F5: variants seen among roughly 807,000 people sequenced by gnomAD.
The protein encoded by F5 is activated protein c cofactor.
F5 carries 138 observed loss-of-function variants against 216.4 expected under a neutral mutation model. The ratio of observed to expected loss-of-function variants is 0.64; its 90% confidence interval spans 0.56 to 0.73. The LOEUF is 0.73. Ranked by LOEUF, F5 falls within the 30% of genes least tolerant of loss-of-function variation. The probability of loss-of-function intolerance (pLI) is 0.00; values close to 1 mark genes in which losing one functional copy is unlikely to be tolerated. For synonymous variants in F5, 916 were observed against 930.7 expected (o/e 0.98, Z 0.29); for missense variants, 2,403 against 2,674.0 (o/e 0.90, Z 2.24).
chr1:169,536,712 GAAATT>G, intron 13 of F5, 32 bp from the exon 14 acceptor site: 1 of 1,555,854 alleles, frequency 6.4e-7, no homozygotes, highest in Non-Finnish European at 8.9e-7. Context: ...TGTAAAAGAA[GAAATT>G]AAAGACTGTT....
At chr1:169,566,012 T>C (rs560080498) in intron 3 of F5, among the ~76,000 whole-genome samples, 3 of 152,242 alleles carry the variant, frequency 2.0e-5, no homozygotes, top group African/African-American at 7.2e-5. Context: ...AAGTCTCCAC[T>C]AATAAGCAGG....
At chr1:169,578,547 G>C (rs1329227538) in intron 2 of F5, among the ~76,000 whole-genome samples, 1 of 152,182 alleles carries the variant, frequency 6.6e-6, no homozygotes, top group South Asian at 2.1e-4. Flanking sequence ...CTTGGCAAAA[G>C]CCACAAAAGG....
intron 16 of F5, among the ~76,000 whole-genome samples, chr1:169,528,433 G>C (rs1218425550): frequency 1.3e-5 from 2 of 152,108 alleles, no homozygotes; most frequent in Non-Finnish European, 2.9e-5. Context: ...AACTACAAAA[G>C]ATAAATACAA....
In F5 at chr1:169,527,933, C is replaced by A; in HGVS notation, c.5581G>T (p.Val1861Phe). ...ENGNKQHQLGVWPLLPGSFKT... is the reference protein window; with the variant it reads ...ENGNKQHQLGFWPLLPGSFKT... ...TCTTTACCAGGCAGAAGGGGCCAGA[C>A]CCCTAACTGGTGCTGTTTATTGCCA... The change falls in exon 17 of 25, where the codon GTC becomes TTC. Residue 1861 changes from valine (V) to phenylalanine (F), a missense_variant. Val to Phe is a conservative substitution (Grantham distance 50, BLOSUM62 -1). Around this residue, in one of 4 missense-constraint regions of F5, gnomAD observed 659 missense variants for 787.9 expected, o/e 0.84. Coordinates refer to ENST00000367797, the MANE Select transcript of F5 (RefSeq NM_000130.5). 1 of 1,613,584 alleles carries A rather than the reference C, an allele frequency of 6.2e-7. No homozygotes were observed. Among genetic ancestry groups the A allele is most frequent in the Non-Finnish European group, 8.5e-7 (1 of 1,179,784 alleles).
At chr1:169,570,560 T>C (rs939995046) in intron 3 of F5, among the ~76,000 whole-genome samples, 1 of 152,156 alleles carries the variant, frequency 6.6e-6, no homozygotes, top group African/African-American at 2.4e-5. Flanking sequence ...TAATGCTTCA[T>C]TGTTTTTCCT....
At chr1:169,538,121 A>G (rs1482977285) in intron 13 of F5, among the ~76,000 whole-genome samples, 1 of 152,206 alleles carries the variant, frequency 6.6e-6, no homozygotes, top group African/African-American at 2.4e-5. Flanking sequence ...TGTGATCTAC[A>G]TAAACAATGA....
At chr1:169,548,216 G>A (rs1414448420) in intron 10 of F5, among the ~76,000 whole-genome samples, 1 of 152,050 alleles carries the variant, frequency 6.6e-6, no homozygotes, top group East Asian at 1.9e-4. Flanking sequence ...AAGAGGGAGA[G>A]GATCAGAAAA....
chr1:169,544,425 C>G lies in F5; in HGVS notation c.1846G>C (p.Gly616Arg), dbSNP rs752920096. ...DTVQWHFCSV[G>R]TQNEILTIHF... Reference sequence around the variant, plus strand: ...ATGGTCAAAATTTCATTCTGGGTCCCCACACTACAGAAGTGCCACTGGACA... The same window carrying G: ...ATGGTCAAAATTTCATTCTGGGTCCGCACACTACAGAAGTGCCACTGGACA... The change falls in exon 12 of 25, where the codon GGG becomes CGG. Residue 616 changes from glycine to arginine, a missense_variant. Around this residue, in one of 4 missense-constraint regions of F5, gnomAD observed 1,425 missense variants for 1,554.8 expected, o/e 0.92. Coordinates refer to ENST00000367797, the MANE Select transcript of F5 (RefSeq NM_000130.5). 1.1e-5 allele frequency: 17 copies of G among 1,614,064 alleles called. No individual in the cohort carries two copies. The highest frequency in any genetic ancestry group is 1.3e-5 in the Non-Finnish European group (15 of 1,179,984).
chr1:169,550,672 T>G lies in F5; in HGVS notation c.1364A>C (p.Tyr455Ser). 6.2e-7 allele frequency: 1 copy of G among 1,614,032 alleles called. No individual in the cohort carries two copies. The highest frequency in any genetic ancestry group is 8.5e-7 in the Non-Finnish European group (1 of 1,179,924). The change falls in exon 9 of 25, where the codon TAT becomes TCT. Residue 455 changes from tyrosine to serine, a missense_variant. By Grantham distance (144) the Tyr-to-Ser change is moderately radical. Transcript: ENST00000367797. The part of the protein sequence containing the change: ...IYPHGVTFSP[Y>S]EDEVNSSFTS... Reference sequence around the variant, plus strand: ...GAAAGAAGAGTTGACTTCATCTTCATAAGGCGAGAAGGTCACTCCATGAGG... The same window carrying G: ...GAAAGAAGAGTTGACTTCATCTTCAGAAGGCGAGAAGGTCACTCCATGAGG...
At position 169,583,424 on chromosome 1, in the gene F5, G is replaced by A. The variant is rs9332495; in HGVS notation, c.159-902C>T. Among the ~76,000 whole-genome samples the A allele has an allele frequency of 9.1e-3, 1,383 of 152,240 alleles. 27 individuals are homozygous for A. Among genetic ancestry groups the A allele is most frequent in the African/African-American group, 0.031 (1,304 of 41,520 alleles). On this transcript the variant is annotated intron_variant, in intron 1 of 24. Transcript: ENST00000367797. ...ACATATGCCATGACTTCTATACAGC[G>A]CGGTGGCTAGGGTGCAGGCTGTGAA...
chr1:169,580,100 C>G (rs1252992733), intron 2 of F5, among the ~76,000 whole-genome samples: 2 of 152,130 alleles, frequency 1.3e-5, no homozygotes, highest in African/African-American at 4.8e-5. Context: ...ATCACCCAAC[C>G]CCTTGCCTCC....
intron 21 of F5, 136 bp downstream of exon 21, chr1:169,523,061 A>G (rs1178828594): frequency 4.3e-6 from 4 of 919,940 alleles, no homozygotes; most frequent in African/African-American, 1.6e-5. Flanking sequence ...TTTTCTCCAT[A>G]TGACCCTTAG....
In F5 at chr1:169,541,483, T is replaced by A. The variant is rs1420962420; in HGVS notation, c.3607A>T (p.Asn1203Tyr). 2.5e-6 allele frequency: 4 copies of A among 1,613,816 alleles called. No homozygotes were observed. In the African/African-American group the frequency reaches 5.3e-5, roughly 22 times the overall value. ...VTLSPELSQTNLSPDLSHTTL... is the reference protein window; with the variant it reads ...VTLSPELSQTYLSPDLSHTTL... Reference sequence around the variant, plus strand: ...GTGTGGCTGAGGTCTGGAGAGAGGTTTGTCTGGCTGAGTTCTGGAGAGAGG... The same window carrying A: ...GTGTGGCTGAGGTCTGGAGAGAGGTATGTCTGGCTGAGTTCTGGAGAGAGG... The change falls in exon 13 of 25, where the codon AAC becomes TAC. Residue 1203 changes from asparagine to tyrosine, a missense_variant. This residue lies in a region of F5 where 1,425 missense variants were observed against 1,554.8 expected (regional missense o/e 0.92). Transcript: ENST00000367797.
rs1459402641 is a variant in F5, at chr1:169,540,970, T to C, written c.4120A>G (p.Asn1374Asp). Residue 1374 changes from asparagine (N) to aspartate (D), a missense_variant, in exon 13 of 25, where the codon AAC becomes GAC. Around this residue, in one of 4 missense-constraint regions of F5, gnomAD observed 293 missense variants for 270.8 expected, o/e 1.08. Transcript: ENST00000367797. ...GTCTGACTGAGTTCTGGAGAGAGGT[T>C]TGTCTGGCTGAGGTCTAGAGAAAGG... ...TTLSLDLSQTNLSPELSQTNL... is the reference protein window; with the variant it reads ...TTLSLDLSQTDLSPELSQTNL... 1.9e-6 allele frequency: 3 copies of C among 1,595,558 alleles called. No homozygotes were observed. The Admixed American group carries it at 5.1e-5, about 27-fold the overall frequency.
At chr1:169,525,832 A>G in intron 18 of F5, 69 bp downstream of exon 18, 1 of 1,065,968 alleles carries the variant, frequency 9.4e-7, no homozygotes, top group Non-Finnish European at 1.5e-6. Context: ...TTTCCAATCT[A>G]AAAGTTGGTA....
chr1:169,580,243 A>G (rs1571604305), intron 2 of F5, among the ~76,000 whole-genome samples: 1 of 151,754 alleles, frequency 6.6e-6, no homozygotes, highest in Non-Finnish European at 1.5e-5. Flanking sequence ...CTTCCTTATT[A>G]CTCTACTGTC....
Position 169,544,417 on chromosome 1 carries a change from C to G in F5, c.1854G>C (p.Gln618His), listed in dbSNP as rs1165668434. Residue 618 changes from glutamine (Q) to histidine (H), a missense_variant, in exon 12 of 25, where the codon CAG becomes CAC. Physicochemically the swap from Gln to His is conservative, Grantham distance 24. Transcript: ENST00000367797. Reference sequence around the variant, plus strand: ...TGAAGTGGATGGTCAAAATTTCATTCTGGGTCCCCACACTACAGAAGTGCC... The same window carrying G: ...TGAAGTGGATGGTCAAAATTTCATTGTGGGTCCCCACACTACAGAAGTGCC... ...VQWHFCSVGT[Q>H]NEILTIHFTG... 2 of 1,613,956 alleles carry G rather than the reference C, an allele frequency of 1.2e-6. No homozygotes were observed. The highest frequency in any genetic ancestry group is 2.2e-5 in the South Asian group (2 of 91,084).
intron 5 of F5, 148 bp downstream of exon 5, chr1:169,559,005 T>TA (rs58738850): frequency 0.02 from 13,202 of 671,204 alleles, no homozygotes; most frequent in Non-Finnish European, 0.024. Flanking sequence ...ATTTCCTGTT[T>TA]AAAAAAAAAA....
At position 169,542,657 on chromosome 1, in the gene F5, T is replaced by A. The variant is rs1659894517; in HGVS notation, c.2433A>T (p.Arg811Ser). 1 of 1,614,020 alleles carries A rather than the reference T, an allele frequency of 6.2e-7. No individual in the cohort carries two copies. The highest frequency in any genetic ancestry group is 8.5e-7 in the Non-Finnish European group (1 of 1,179,902). The stretch of plus-strand genomic sequence containing the variant: ...GAACTGAGTTCTTGCCAATGAGGTG[T>A]CTCAGTGGGGAACCAGCTGTGGTGG... ...QQATTAGSPL[R>S]HLIGKNSVLN... Residue 811 changes from arginine (R) to serine (S), a missense_variant, in exon 13 of 25, where the codon AGA (arginine) becomes AGT (serine). Arg to Ser is a moderately radical substitution (Grantham distance 110). Transcript: ENST00000367797.
Sources: allele counts gnomAD v4.1 joint callset (sites outside exome capture counted in the v4.1 genomes callset), GRCh38; gene constraint gnomAD v4.1.1; regional missense constraint gnomAD v4.1.1; transcripts MANE v1.5; gene names NCBI Gene and HGNC (gene_info 2026-07-23, HGNC 2026-07-21).